NTRK3: variants seen among roughly 807,000 people sequenced by gnomAD.
The protein encoded by NTRK3 is NT-3 growth factor receptor.
In NTRK3, 24 loss-of-function variants were observed where a neutral mutation model predicts 91.7. That is an observed-to-expected ratio of 0.26 (90% CI 0.19 to 0.37). NTRK3 has a LOEUF of 0.37. NTRK3 is among the 10% of genes least tolerant of loss of function. The probability of loss-of-function intolerance (pLI) is 1.00; values close to 1 mark genes in which losing one functional copy is unlikely to be tolerated. For missense variants in NTRK3, 880 were observed against 1,068.9 expected (o/e 0.82, Z 2.46); for synonymous variants, 483 against 404.0 (o/e 1.20, Z -2.34).
chr15:88,061,451 C>G (rs76046226), intron 13 of NTRK3, among the ~76,000 whole-genome samples: 4 of 152,166 alleles, frequency 2.6e-5, no homozygotes, highest in Non-Finnish European at 4.4e-5. Flanking sequence ...TGGGTCAGCC[C>G]GTGGCTGCTA....
intron 3 of NTRK3, among the ~76,000 whole-genome samples, chr15:88,249,302 T>C (rs1365571873): frequency 1.3e-5 from 2 of 152,222 alleles, no homozygotes; most frequent in Admixed American, 1.3e-4. Flanking sequence ...TGGTGTGGGC[T>C]GCAAGCTGCA....
intron 13 of NTRK3, among the ~76,000 whole-genome samples, chr15:88,083,617 C>T (rs1450867200): frequency 6.6e-6 from 1 of 152,128 alleles, no homozygotes; most frequent in African/African-American, 2.4e-5. Context: ...AGTTCATAGT[C>T]AAGAAGGAGT....
At chr15:88,202,168 G>C (rs752974475) in intron 3 of NTRK3, among the ~76,000 whole-genome samples, 1 of 152,156 alleles carries the variant, frequency 6.6e-6, no homozygotes, top group Non-Finnish European at 1.5e-5. Context: ...CCTGGTCTTC[G>C]TTTCTTGCCT....
intron 6 of NTRK3, among the ~76,000 whole-genome samples, chr15:88,140,809 C>A (rs2042316658): frequency 6.6e-6 from 1 of 152,216 alleles, no homozygotes; most frequent in East Asian, 1.9e-4. Context: ...CCAGGACACC[C>A]TGGACCACCA....
intron 5 of NTRK3, among the ~76,000 whole-genome samples, chr15:88,167,181 A>C (rs868148897): frequency 1.3e-5 from 2 of 152,196 alleles, no homozygotes; most frequent in African/African-American, 4.8e-5. Flanking sequence ...GTTTCTGGCA[A>C]AGACCCAACT....
At chr15:87,979,504 ATAAAG>A (rs1360836039) in intron 14 of NTRK3, 2 of 1,443,272 alleles carry the variant, frequency 1.4e-6, no homozygotes, top group African/African-American at 2.8e-5. Flanking sequence ...AAAAAGCAAA[ATAAAG>A]TAAAAACCAA....
chr15:88,219,259 T>C (rs1488550634), intron 3 of NTRK3, among the ~76,000 whole-genome samples: 8 of 152,266 alleles, frequency 5.3e-5, no homozygotes, highest in Non-Finnish European at 7.3e-5. Flanking sequence ...CCTTTTGACC[T>C]GCAGCAAATT....
In NTRK3 at chr15:87,915,850, T is replaced by C. The variant is rs570968246; in HGVS notation, c.2133+13341A>G. 2.0e-5 allele frequency among the ~76,000 whole-genome samples: 3 copies of C among 152,278 alleles called. No individual in the cohort carries two copies. In the East Asian group the frequency reaches 5.8e-4, roughly 29 times the overall value. ...TTTTTTTTCAGATGAGGAATCTAAG[T>C]CTTAGTGAATTTAAGTAAATTTCCT... On this transcript the variant is annotated intron_variant, in intron 17 of 18. Transcript: ENST00000394480.
intron 13 of NTRK3, among the ~76,000 whole-genome samples, chr15:88,109,366 C>T (rs187129909): frequency 6.6e-6 from 1 of 152,324 alleles, no homozygotes; most frequent in East Asian, 1.9e-4. Flanking sequence ...AACCTCGAAT[C>T]GTGGTCCTTC....
chr15:88,033,761 G>T (rs1596848625), intron 13 of NTRK3, among the ~76,000 whole-genome samples: 1 of 152,114 alleles, frequency 6.6e-6, no homozygotes, highest in East Asian at 1.9e-4. Flanking sequence ...AAATTTAAAT[G>T]ACCCTGGCAT....
chr15:88,223,662 T>C (rs774283458), intron 3 of NTRK3, among the ~76,000 whole-genome samples: 1 of 152,222 alleles, frequency 6.6e-6, no homozygotes, highest in Non-Finnish European at 1.5e-5. Context: ...TTTTGGGGTC[T>C]TCCTCTGTGT....
chr15:88,110,324 C>G (rs16941259), intron 13 of NTRK3, among the ~76,000 whole-genome samples: 1 of 152,140 alleles, frequency 6.6e-6, no homozygotes. Flanking sequence ...CTGCAGGCAC[C>G]GTGGGGTAGG....
chr15:88,161,667 AC>A (rs1340615345), intron 5 of NTRK3, among the ~76,000 whole-genome samples: 8 of 152,166 alleles, frequency 5.3e-5, no homozygotes, highest in Non-Finnish European at 8.8e-5. Context: ...AGAGAGGTCA[AC>A]CAGAAATGAG....
At chr15:87,866,399 TA>T (rs1279000696) in exon 19 of NTRK3, 3 of 173,706 alleles carry the variant, frequency 1.7e-5, no homozygotes, top group African/African-American at 7.2e-5. Flanking sequence ...TCCCCAGCAT[TA>T]AAAAGTATAC....
intron 5 of NTRK3, among the ~76,000 whole-genome samples, chr15:88,160,775 C>T (rs1426439585): frequency 6.6e-6 from 1 of 152,194 alleles, no homozygotes; most frequent in African/African-American, 2.4e-5. Context: ...TGGAGAAGCT[C>T]ATTCTTTCCT....
chr15:88,072,559 T>G (rs2047184894), intron 13 of NTRK3: 1 of 232,694 alleles, frequency 4.3e-6, no homozygotes, highest in South Asian at 1.8e-4. Context: ...TTAACTGCTT[T>G]GAGTCACATT....
exon 19 of NTRK3, chr15:87,861,689 G>A (rs1057032135): frequency 1.5e-5 from 3 of 194,786 alleles, no homozygotes; most frequent in African/African-American, 7.0e-5. Context: ...TAGGGCATTT[G>A]CCTTAAGAAC....
intron 3 of NTRK3, among the ~76,000 whole-genome samples, chr15:88,248,268 G>T (rs535797340): frequency 8.9e-4 from 136 of 152,290 alleles, no homozygotes; most frequent in African/African-American, 3.1e-3. Flanking sequence ...AACTTCAGGA[G>T]AAACTCCCTG....
At chr15:87,963,457 C>G (rs1448429250) in intron 14 of NTRK3, among the ~76,000 whole-genome samples, 3 of 152,154 alleles carry the variant, frequency 2.0e-5, no homozygotes, top group Non-Finnish European at 4.4e-5. Context: ...TATGGACAGT[C>G]CCCCACTGAA....
Sources: gnomAD v4.1 joint callset for allele counts (sites outside exome capture counted in the v4.1 genomes callset) on GRCh38, gnomAD v4.1.1 for gene constraint, MANE v1.5 for transcripts, NCBI Gene and HGNC (gene_info 2026-07-23, HGNC 2026-07-21) for gene names.